Variants in TRPM7 observed in about 807,000 individuals in gnomAD.
The protein encoded by TRPM7 is transient receptor potential cation channel subfamily M member 7.
TRPM7 carries 134 observed loss-of-function variants against 229.7 expected under a neutral mutation model. The observed-to-expected ratio is 0.58, with a 90% CI of 0.51 to 0.67. TRPM7 has a LOEUF of 0.67. Ranked by LOEUF, TRPM7 falls within the 30% of genes least tolerant of loss-of-function variation. TRPM7 has a pLI of 0.00. For missense variants in TRPM7, 1,901 were observed against 2,210.0 expected (o/e 0.86, Z 2.80); for synonymous variants, 699 against 715.2 (o/e 0.98, Z 0.36).
chr15:50,598,159 T>C (rs1262323092), intron 22 of TRPM7, among the ~76,000 whole-genome samples: 1 of 151,810 alleles, frequency 6.6e-6, no homozygotes. Flanking sequence ...AACACAGATA[T>C]TGGGGGAGGT....
intron 23 of TRPM7, 133 bp from the exon 24 acceptor site, chr15:50,594,746 G>A: frequency 1.7e-6 from 1 of 590,456 alleles, no homozygotes; most frequent in South Asian, 3.3e-5. Context: ...AAAACTAATA[G>A]CAAATGAGAA....
At chr15:50,595,033 G>C (rs1220845433) in intron 23 of TRPM7, among the ~76,000 whole-genome samples, 2 of 151,756 alleles carry the variant, frequency 1.3e-5, no homozygotes, top group Non-Finnish European at 2.9e-5. Context: ...GTGAGACCCT[G>C]TCTATTTAAA....
At chr15:50,580,305 C>T (rs931842860) in intron 30 of TRPM7, among the ~76,000 whole-genome samples, 1 of 151,998 alleles carries the variant, frequency 6.6e-6, no homozygotes, top group African/African-American at 2.4e-5. Flanking sequence ...TTGTCTTTAC[C>T]CTTATGTCTA....
rs541094042 is a variant in TRPM7 at position 50,659,606 on chromosome 15, A to G, written c.84-1787T>C. Among the ~76,000 whole-genome samples, 3 of 152,250 alleles carry G rather than the reference A, an allele frequency of 2.0e-5. No individual in the cohort carries two copies. The South Asian group carries it at 6.2e-4, about 32-fold the overall frequency. On this transcript the variant is annotated intron_variant, in intron 2 of 38. Transcript: ENST00000646667. ...CTTTAATACCTTGAGTGCTTTTATTATTTCTATTGCAAAGTGGAATTAATA... is the reference window on the plus strand; with the variant it reads ...CTTTAATACCTTGAGTGCTTTTATTGTTTCTATTGCAAAGTGGAATTAATA...
intron 10 of TRPM7, among the ~76,000 whole-genome samples, chr15:50,628,576 G>C (rs1267015318): frequency 2.0e-5 from 3 of 152,130 alleles, no homozygotes; most frequent in African/African-American, 7.2e-5. Context: ...AGTGTGCTAG[G>C]ATTACAAGTG....
chr15:50,579,947 C>T (rs2140298181), intron 30 of TRPM7, among the ~76,000 whole-genome samples: 1 of 152,260 alleles, frequency 6.6e-6, no homozygotes, highest in South Asian at 2.1e-4. Context: ...CCACTATACC[C>T]AGCTAATTTA....
At chr15:50,607,748 C>T (rs2059954618) in intron 19 of TRPM7, among the ~76,000 whole-genome samples, 1 of 151,846 alleles carries the variant, frequency 6.6e-6, no homozygotes, top group Non-Finnish European at 1.5e-5. Flanking sequence ...AACAGTATTC[C>T]TAAAAAAGAC....
intron 1 of TRPM7, among the ~76,000 whole-genome samples, chr15:50,685,675 T>G (rs1014088550): frequency 6.6e-6 from 1 of 152,184 alleles, no homozygotes; most frequent in Non-Finnish European, 1.5e-5. Context: ...AATACCTACT[T>G]TGCTCTTCAT....
Position 50,686,618 on chromosome 15 carries a change from C to G in TRPM7, c.-85G>C. On this transcript the variant is annotated 5_prime_UTR_variant, in exon 1 of 39. Transcript: ENST00000646667. ...TGTAGCCATCTATCGGGAAGCGTCT[C>G]CGGAGGCGGCAGCAGAGGCCGCCGG... is the stretch of plus-strand genomic sequence containing the variant. 6.4e-7 allele frequency: 1 copy of G among 1,563,284 alleles called. No homozygotes were observed. Among genetic ancestry groups the G allele is most frequent in the Non-Finnish European group, 8.7e-7 (1 of 1,154,896 alleles).
chr15:50,570,677 TAAAAAAAAA>T (rs149970874), intron 36 of TRPM7, among the ~76,000 whole-genome samples: 1 of 91,748 alleles, frequency 1.1e-5, no homozygotes, highest in Non-Finnish European at 2.1e-5. Flanking sequence ...ACTTCATTCC[TAAAAAAAAA>T]AAAAAAAAAA....
chr15:50,610,129 T>C (rs751329648), intron 17 of TRPM7, among the ~76,000 whole-genome samples, 168 bp from the exon 18 acceptor site: 1 of 152,178 alleles, frequency 6.6e-6, no homozygotes, highest in Non-Finnish European at 1.5e-5. Context: ...TTTTTACTTA[T>C]ATATTGTATT....
intron 1 of TRPM7, among the ~76,000 whole-genome samples, chr15:50,684,842 C>T (rs1231681400): frequency 2.6e-5 from 4 of 152,078 alleles, no homozygotes; most frequent in African/African-American, 9.7e-5. Context: ...CGACCAAATG[C>T]TATGTGCAGA....
intron 23 of TRPM7, among the ~76,000 whole-genome samples, chr15:50,595,931 G>T (rs2059618213): frequency 7.5e-6 from 1 of 132,888 alleles, no homozygotes. Flanking sequence ...CAAAAAAAAT[G>T]ATAGAAAGGT....
At chr15:50,684,228 C>T (rs1186558308) in intron 1 of TRPM7, among the ~76,000 whole-genome samples, 2 of 150,734 alleles carry the variant, frequency 1.3e-5, no homozygotes, top group East Asian at 4.0e-4. Context: ...TCTCCGCTTA[C>T]TGCAACCTCC....
intron 22 of TRPM7, among the ~76,000 whole-genome samples, chr15:50,598,136 G>A (rs3848127): frequency 0.15 from 23,389 of 151,976 alleles, 2,288 homozygotes; most frequent in Admixed American, 0.28. Flanking sequence ...CCATAAATAC[G>A]TAGGAAGGGA....
chr15:50,647,925 A>G (rs2061315706), intron 4 of TRPM7, among the ~76,000 whole-genome samples: 1 of 152,172 alleles, frequency 6.6e-6, no homozygotes, highest in Admixed American at 6.5e-5. Context: ...AACTATTTAC[A>G]TTGTATTGGG....
intron 31 of TRPM7, among the ~76,000 whole-genome samples, chr15:50,576,409 T>G (rs1178908724): frequency 6.6e-6 from 1 of 152,210 alleles, no homozygotes; most frequent in East Asian, 1.9e-4. Flanking sequence ...ATCTGCTATG[T>G]GCTAAGTTTC....
intron 1 of TRPM7, among the ~76,000 whole-genome samples, chr15:50,679,538 A>ATATATATATAT (rs1400383980): frequency 2.1e-4 from 9 of 43,902 alleles, no homozygotes; most frequent in African/African-American, 8.6e-4. Flanking sequence ...ATATATATAT[A>ATATATATATAT]TTTTTTTTTT....
chr15:50,640,455 T>TC (rs2061066175), intron 5 of TRPM7, among the ~76,000 whole-genome samples: 4 of 144,830 alleles, frequency 2.8e-5, no homozygotes, highest in African/African-American at 5.0e-5. Context: ...TTTTTTTTCT[T>TC]TTTTTTTTTT....
Sources: allele counts gnomAD v4.1 joint callset (sites outside exome capture counted in the v4.1 genomes callset), GRCh38; gene constraint gnomAD v4.1.1; transcripts MANE v1.5; gene names NCBI Gene and HGNC (gene_info 2026-07-23, HGNC 2026-07-21).